ARK2C: variants seen among roughly 807,000 people sequenced by gnomAD.
ARK2C encodes arkadia (RNF111) C-terminal like ring finger ubiquitin ligase 2C, also known as E3 ubiquitin-protein ligase ARK2C.
chr18:46,346,413 G>A, the ARK2C span, among the ~76,000 whole-genome samples: 2 of 149,006 alleles, frequency 1.3e-5, no homozygotes, highest in Non-Finnish European at 3.0e-5. Context: ...TAAATCACCC[G>A]AAACAGAAAC....
At chr18:46,403,268 A>C in the ARK2C span, among the ~76,000 whole-genome samples, 1 of 152,164 alleles carries the variant, frequency 6.6e-6, no homozygotes, top group Non-Finnish European at 1.5e-5. Flanking sequence ...CCTGATAAGC[A>C]TGACTTTTAG....
the ARK2C span, among the ~76,000 whole-genome samples, chr18:46,373,306 G>T: frequency 1.3e-5 from 2 of 152,226 alleles, no homozygotes; most frequent in African/African-American, 2.4e-5. Context: ...CTCAGAGCTT[G>T]CCCAGTGCTT....
At chr18:46,423,007 C>T in the ARK2C span, among the ~76,000 whole-genome samples, 1 of 152,198 alleles carries the variant, frequency 6.6e-6, no homozygotes, top group Non-Finnish European at 1.5e-5. Context: ...TTACTCAAGT[C>T]CCTTCACAAC....
chr18:46,360,912 C>T, the ARK2C span, among the ~76,000 whole-genome samples: 1 of 152,262 alleles, frequency 6.6e-6, no homozygotes, highest in African/African-American at 2.4e-5. Flanking sequence ...GGCCAGGCGT[C>T]AGCCCCACAG....
the ARK2C span, chr18:46,334,910 A>T: frequency 6.2e-6 from 1 of 160,704 alleles, no homozygotes; most frequent in Non-Finnish European, 1.3e-5. This position sits in a 1 kb window ranked among gnomAD's most constrained non-coding sequence, Gnocchi z 4.4. Flanking sequence ...GGGCACTTGC[A>T]CGATTTTCCA....
chr18:46,377,097 T>C, the ARK2C span, among the ~76,000 whole-genome samples: 1 of 152,178 alleles, frequency 6.6e-6, no homozygotes, highest in East Asian at 1.9e-4. Flanking sequence ...GGTTTGAATA[T>C]GGTGACTGTG....
chr18:46,403,641 G>GC, the ARK2C span, among the ~76,000 whole-genome samples: 1 of 152,180 alleles, frequency 6.6e-6, no homozygotes, highest in African/African-American at 2.4e-5. Context: ...ACTTTGGGAG[G>GC]CCGAGGCGGG....
chr18:46,387,488 G>T, the ARK2C span, among the ~76,000 whole-genome samples: 1 of 152,250 alleles, frequency 6.6e-6, no homozygotes. Context: ...AGGACTAGGG[G>T]AGAAACTTGT....
chr18:46,351,707 C>T, the ARK2C span, among the ~76,000 whole-genome samples: 1 of 152,166 alleles, frequency 6.6e-6, no homozygotes, highest in Non-Finnish European at 1.5e-5. Flanking sequence ...ATAACTTAGA[C>T]AGTTCTCAGT....
chr18:46,386,426 A>G, the ARK2C span: 1 of 152,174 alleles, frequency 6.6e-6, no homozygotes, highest in African/African-American at 2.4e-5. Context: ...TCATTGTTTT[A>G]TAGGAAGCAG....
chr18:46,393,757 G>A, the ARK2C span, among the ~76,000 whole-genome samples: 1 of 152,252 alleles, frequency 6.6e-6, no homozygotes, highest in South Asian at 2.1e-4. Context: ...AGGCCAGTAA[G>A]TAGAAAGATG....
At chr18:46,425,193 A>G in the ARK2C span, among the ~76,000 whole-genome samples, 1 of 152,198 alleles carries the variant, frequency 6.6e-6, no homozygotes, top group African/African-American at 2.4e-5. Flanking sequence ...AGCTGGCCTG[A>G]GGAGGCGGGA....
chr18:46,418,457 T>C, the ARK2C span, among the ~76,000 whole-genome samples: 1 of 152,244 alleles, frequency 6.6e-6, no homozygotes, highest in Non-Finnish European at 1.5e-5. Flanking sequence ...TAAAAGTTAC[T>C]AATTTTTTAC....
the ARK2C span, among the ~76,000 whole-genome samples, chr18:46,345,344 T>C: frequency 6.6e-6 from 1 of 152,072 alleles, no homozygotes; most frequent in African/African-American, 2.4e-5. Context: ...GGAGTGTTGA[T>C]TGAGGTGGGA....
chr18:46,378,318 C>T, the ARK2C span, among the ~76,000 whole-genome samples: 1 of 152,150 alleles, frequency 6.6e-6, no homozygotes, highest in African/African-American at 2.4e-5. Context: ...ATGGGAAAAC[C>T]GAGGCTGGGT....
chr18:46,402,190 T>A, the ARK2C span, among the ~76,000 whole-genome samples: 1 of 152,264 alleles, frequency 6.6e-6, no homozygotes, highest in East Asian at 1.9e-4. Context: ...TGAAAGCATC[T>A]ATACCCTGTT....
chr18:46,424,333 T>TA, the ARK2C span, among the ~76,000 whole-genome samples: 1 of 152,270 alleles, frequency 6.6e-6, no homozygotes, highest in East Asian at 1.9e-4. Flanking sequence ...GAAGGTCAGA[T>TA]ACAGCAGTGA....
chr18:46,391,954 G>A, the ARK2C span, among the ~76,000 whole-genome samples: 1 of 150,098 alleles, frequency 6.7e-6, no homozygotes, highest in Non-Finnish European at 1.5e-5. Flanking sequence ...ACACGCACAT[G>A]ACACAATACA....
At chr18:46,355,034 C>T in the ARK2C span, among the ~76,000 whole-genome samples, 4 of 152,150 alleles carry the variant, frequency 2.6e-5, no homozygotes, top group East Asian at 5.8e-4. Context: ...ACTGCAGCCT[C>T]CACCTCCCAG....
Sources: allele counts gnomAD v4.1 joint callset (sites outside exome capture counted in the v4.1 genomes callset), GRCh38; gene constraint gnomAD v4.1.1; non-coding constraint Gnocchi (gnomAD v3.1); transcripts MANE v1.5; gene names NCBI Gene and HGNC (gene_info 2026-07-23, HGNC 2026-07-21).